Variants in PSMA3 observed in about 807,000 individuals in gnomAD.
PSMA3 encodes proteasome subunit alpha type-3.
PSMA3 carries 8 observed loss-of-function variants against 40.0 expected under a neutral mutation model. The ratio of observed to expected loss-of-function variants is 0.20; its 90% CI spans 0.12 to 0.36. The LOEUF (loss-of-function observed/expected upper bound fraction) is 0.36. Among genes scored for constraint, PSMA3 ranks in the 10% least tolerant of loss-of-function variants. The pLI is 1.00. For synonymous variants in PSMA3, 110 were observed against 100.0 expected (o/e 1.10, Z -0.59); for missense variants, 219 against 310.6 (o/e 0.70, Z 2.22).
At chr14:58,246,304 C>A (rs2140076480) in intron 1 of PSMA3, among the ~76,000 whole-genome samples, 1 of 152,344 alleles carries the variant, frequency 6.6e-6, no homozygotes, top group East Asian at 1.9e-4. Flanking sequence ...CTACAGTCTT[C>A]AGCTCAGTGA....
chr14:58,271,470 C>T (rs773346138), intron 10 of PSMA3, among the ~76,000 whole-genome samples: 1 of 151,712 alleles, frequency 6.6e-6, no homozygotes, highest in Non-Finnish European at 1.5e-5. Context: ...GCTGGGATTA[C>T]AGGAACATGC....
chr14:58,263,005 T>C (rs542270351), intron 6 of PSMA3, among the ~76,000 whole-genome samples: 1 of 143,668 alleles, frequency 7.0e-6, no homozygotes, highest in African/African-American at 2.6e-5. Flanking sequence ...TTTTTTTTGA[T>C]GGAGTCTCAC....
At chr14:58,246,850 C>T (rs760417228) in intron 1 of PSMA3, among the ~76,000 whole-genome samples, 19 of 152,116 alleles carry the variant, frequency 1.2e-4, no homozygotes, top group Non-Finnish European at 2.5e-4. Context: ...CGCATAAAGC[C>T]AGAATGATGT....
In PSMA3 at chr14:58,247,788, A is replaced by G. The variant is rs1413755588; in HGVS notation, c.60A>G (p.Arg20=). ...LSASTFSPDG[R]VFQVEYAMKA... is the part of the protein sequence containing the mutation. Reference sequence around the variant, plus strand: ...CCTCTACATTCTCTCCTGACGGAAGAGTTTTTCAAGTTGAATATGCTATGA... The same window carrying G: ...CCTCTACATTCTCTCCTGACGGAAGGGTTTTTCAAGTTGAATATGCTATGA... Residue 20 remains arginine (R), a synonymous_variant, in exon 2 of 11, where the codon AGA becomes AGG. Coordinates refer to ENST00000216455, the MANE Select transcript of PSMA3 (RefSeq NM_002788.4). The G allele has an allele frequency of 6.2e-7, 1 of 1,609,670 alleles. No individual in the cohort carries two copies. The highest frequency in any genetic ancestry group is 8.5e-7 in the Non-Finnish European group (1 of 1,176,336).
At chr14:58,262,515 A>G (rs1308469988) in intron 6 of PSMA3, among the ~76,000 whole-genome samples, 1 of 151,646 alleles carries the variant, frequency 6.6e-6, no homozygotes, top group Non-Finnish European at 1.5e-5. Flanking sequence ...CTTCCCTTTT[A>G]AAGAGAAGGT....
chr14:58,260,021 T>C (rs943036157), intron 5 of PSMA3, among the ~76,000 whole-genome samples: 2 of 152,164 alleles, frequency 1.3e-5, no homozygotes, highest in African/African-American at 4.8e-5. Flanking sequence ...TGGAAGGAAA[T>C]GACGGTAGGG....
chr14:58,260,839 A>T, intron 5 of PSMA3, 109 bp from the exon 6 acceptor site: 1 of 686,088 alleles, frequency 1.5e-6, no homozygotes. Context: ...TTATATGTGT[A>T]TTAGTAATTT....
rs765662842 is a variant in PSMA3, at chr14:58,244,915, A to G, written c.-6A>G. 1.2e-6 allele frequency: 2 copies of G among 1,614,194 alleles called. No individual in the cohort carries two copies. Among genetic ancestry groups the G allele is most frequent in the South Asian group, 2.2e-5 (2 of 91,082 alleles). On this transcript the variant is annotated 5_prime_UTR_variant, in exon 1 of 11. Transcript: ENST00000216455. ...AATCCCTACGCGTCCCTTTGGGTTT[A>G]GCACGATGAGCTCAATCGGCACTGG...
intron 7 of PSMA3, 32 bp downstream of exon 7, chr14:58,263,802 C>A: frequency 6.3e-7 from 1 of 1,585,494 alleles, no homozygotes. Context: ...TTTACTATGT[C>A]GTCATCCTAA....
intron 6 of PSMA3, 121 bp downstream of exon 6, chr14:58,261,141 CTTTT>C (rs750255185): frequency 7.8e-5 from 39 of 497,648 alleles, no homozygotes; most frequent in Admixed American, 8.4e-5. Flanking sequence ...AGTAATTTTT[CTTTT>C]TTTTTTTTTT....
chr14:58,263,674 T>G, intron 6 of PSMA3, 31 bp from the exon 7 acceptor site: 1 of 1,544,348 alleles, frequency 6.5e-7, no homozygotes, highest in Non-Finnish European at 8.9e-7. Context: ...GTGTACTAAT[T>G]CAGTGATTAT....
At position 58,270,469 on chromosome 14, in the gene PSMA3, C is replaced by T; in HGVS notation, c.642C>T (p.Leu214=). ...AGGATAAAGCTTTTGAACTAGAACT[C>T]AGCTGGGTTGGTGAATGTAAGTTAT... The part of the protein sequence containing the change: ...EVKDKAFELE[L]SWVGELTNGR... Residue 214 remains leucine, a synonymous_variant, in exon 9 of 11, where the codon CTC becomes CTT. Coordinates refer to ENST00000216455, the MANE Select transcript of PSMA3 (RefSeq NM_002788.4). 1 of 1,613,642 alleles carries T rather than the reference C, an allele frequency of 6.2e-7. No individual in the cohort carries two copies. Among genetic ancestry groups the T allele is most frequent in the Non-Finnish European group, 8.5e-7 (1 of 1,179,750 alleles).
At chr14:58,247,683 A>T in intron 1 of PSMA3, 67 bp from the exon 2 acceptor site, 1 of 1,058,170 alleles carries the variant, frequency 9.5e-7, no homozygotes, top group African/African-American at 1.6e-5. Context: ...AGCCATTTAG[A>T]GGGGAAGAAA....
At chr14:58,247,170 GC>G (rs1274140622) in intron 1 of PSMA3, among the ~76,000 whole-genome samples, 2 of 152,116 alleles carry the variant, frequency 1.3e-5, no homozygotes, top group African/African-American at 4.8e-5. Context: ...AAATATAACT[GC>G]CCAGAAGGCC....
At chr14:58,260,817 G>A (rs1890261020) in intron 5 of PSMA3, 131 bp from the exon 6 acceptor site, 1 of 545,952 alleles carries the variant, frequency 1.8e-6, no homozygotes, top group Non-Finnish European at 3.2e-6. Flanking sequence ...CTGTTTCAAA[G>A]TACTTACTGA....
chr14:58,247,508 T>G (rs1420219979), intron 1 of PSMA3, among the ~76,000 whole-genome samples: 1 of 152,206 alleles, frequency 6.6e-6, no homozygotes, highest in Non-Finnish European at 1.5e-5. Context: ...GTAGTCTGGG[T>G]GAAAAGTGTT....
In PSMA3 at chr14:58,257,051, C is replaced by G. The variant is rs551126701; in HGVS notation, c.229-694C>G. Reference sequence around the variant, plus strand: ...TGAGAGGCAAAGGTTGAAGTGAGCCCAGATGGTGCCATTGTGCTCCAGCCT... The same window carrying G: ...TGAGAGGCAAAGGTTGAAGTGAGCCGAGATGGTGCCATTGTGCTCCAGCCT... On this transcript the variant is annotated intron_variant, in intron 3 of 10. Coordinates refer to ENST00000216455, the MANE Select transcript of PSMA3 (RefSeq NM_002788.4). Among the ~76,000 whole-genome samples the G allele has an allele frequency of 7.1e-4, 102 of 143,098 alleles. 1 individual carries two copies. The highest frequency in any genetic ancestry group is 2.1e-3 in the African/African-American group (80 of 38,044). The allele number at this position is 143,098 out of a possible 152,430, so 93.9% of individuals were successfully genotyped here.
At chr14:58,269,560 G>C (rs1890550211) in intron 8 of PSMA3, 2 of 151,708 alleles carry the variant, frequency 1.3e-5, no homozygotes, top group Middle Eastern at 3.4e-3. Context: ...AGTTTCCCGA[G>C]TAGTTGGGAC....
At chr14:58,258,096 A>G in intron 5 of PSMA3, 98 bp downstream of exon 5, 1 of 838,370 alleles carries the variant, frequency 1.2e-6, no homozygotes, top group Non-Finnish European at 1.8e-6. Flanking sequence ...AAAAATAGAA[A>G]CTCGTCGATA....
Sources: gnomAD v4.1 joint callset for allele counts (sites outside exome capture counted in the v4.1 genomes callset) on GRCh38, gnomAD v4.1.1 for gene constraint, MANE v1.5 for transcripts, NCBI Gene and HGNC (gene_info 2026-07-23, HGNC 2026-07-21) for gene names.